Variants in TYW1 observed in about 807,000 individuals in gnomAD.
TYW1 encodes the protein S-adenosyl-L-methionine-dependent tRNA 4-demethylwyosine synthase TYW1.
TYW1 carries 46 observed loss-of-function variants against 96.2 expected under a neutral mutation model. The observed-to-expected ratio is 0.48, with a 90% CI of 0.38 to 0.61. The LOEUF (loss-of-function observed/expected upper bound fraction) is 0.61. TYW1 is among the 20% of genes least tolerant of loss of function. The pLI is 0.00. For missense variants in TYW1, 684 were observed against 909.6 expected, an observed-to-expected ratio of 0.75 and a Z score of 3.19; for synonymous variants, 274 against 323.0, an observed-to-expected ratio of 0.85 and a Z score of 1.63.
At chr7:67,158,082 ATTTTTTTTTTTTT>A (rs560215948) in intron 13 of TYW1, among the ~76,000 whole-genome samples, 1 of 102,166 alleles carries the variant, frequency 9.8e-6, no homozygotes, top group Non-Finnish European at 1.9e-5. Context: ...TTTGCTGAGG[ATTTTTTTTTTTTT>A]TTTTTTTTTT....
intron 15 of TYW1, among the ~76,000 whole-genome samples, chr7:67,228,373 C>T (rs1801632808): frequency 1.3e-5 from 2 of 152,140 alleles, no homozygotes; most frequent in African/African-American, 4.8e-5. Context: ...GAGATTTATT[C>T]ACTATCTCAA....
chr7:67,011,926 C>G (rs371650254), intron 4 of TYW1, among the ~76,000 whole-genome samples: 1 of 151,380 alleles, frequency 6.6e-6, no homozygotes, highest in Non-Finnish European at 1.5e-5. Flanking sequence ...CAAACTTTCA[C>G]GTGAAGGGCC....
At chr7:67,055,037 A>G (rs954389697) in intron 8 of TYW1, among the ~76,000 whole-genome samples, 3 of 152,172 alleles carry the variant, frequency 2.0e-5, no homozygotes, top group African/African-American at 7.2e-5. Flanking sequence ...TCTTCTTTCA[A>G]AGATTACTGA....
At chr7:67,001,565 G>A (rs927531342) in intron 3 of TYW1, among the ~76,000 whole-genome samples, 6 of 151,520 alleles carry the variant, frequency 4.0e-5, no homozygotes, top group African/African-American at 1.5e-4. Flanking sequence ...GGGACTATAG[G>A]CGCCCACCAC....
chr7:67,055,502 G>A (rs111522286), intron 8 of TYW1, among the ~76,000 whole-genome samples: 2,610 of 151,722 alleles, frequency 0.017, 71 homozygotes, highest in African/African-American at 0.059. Flanking sequence ...GGGAGTCTGA[G>A]GCATGAGAAT....
intron 15 of TYW1, among the ~76,000 whole-genome samples, chr7:67,236,048 T>A (rs1355786700): frequency 6.6e-6 from 1 of 151,982 alleles, no homozygotes; most frequent in Non-Finnish European, 1.5e-5. Flanking sequence ...CATTATAGTG[T>A]CTGCGGAAGT....
chr7:67,168,998 AC>A (rs68013816), intron 13 of TYW1, among the ~76,000 whole-genome samples: 42,571 of 151,790 alleles, frequency 0.28, 6,435 homozygotes, highest in African/African-American at 0.4. Flanking sequence ...AGGTGTGAGC[AC>A]TGTGGCCGGC....
chr7:67,133,995 C>G (rs1563031560), intron 13 of TYW1, among the ~76,000 whole-genome samples: 1 of 151,960 alleles, frequency 6.6e-6, no homozygotes, highest in Admixed American at 6.6e-5. Context: ...GCCCATCCCT[C>G]TTCTCTGCTT....
chr7:67,189,646 A>T (rs1195481191), intron 14 of TYW1, among the ~76,000 whole-genome samples: 1 of 152,164 alleles, frequency 6.6e-6, no homozygotes, highest in Non-Finnish European at 1.5e-5. Flanking sequence ...TAAAATTTGC[A>T]TAAGAATATC....
chr7:67,130,239 G>GGT (rs1376295198), intron 13 of TYW1, among the ~76,000 whole-genome samples: 1 of 151,836 alleles, frequency 6.6e-6, no homozygotes, highest in African/African-American at 2.4e-5. Flanking sequence ...AAATCAGTTG[G>GGT]GTGTGGTGGT....
At chr7:67,135,369 A>G (rs1798218912) in intron 13 of TYW1, among the ~76,000 whole-genome samples, 1 of 132,824 alleles carries the variant, frequency 7.5e-6, no homozygotes, top group Non-Finnish European at 1.5e-5. Flanking sequence ...CAGTGGCATG[A>G]TCTTAGCATG....
chr7:67,000,638 C>T (rs1405756142), intron 3 of TYW1, among the ~76,000 whole-genome samples: 3 of 152,050 alleles, frequency 2.0e-5, no homozygotes, highest in Non-Finnish European at 4.4e-5. Flanking sequence ...CAAGATCTTG[C>T]AATCTTGTCC....
intron 13 of TYW1, among the ~76,000 whole-genome samples, chr7:67,176,065 C>T (rs1799663017): frequency 6.6e-6 from 1 of 152,112 alleles, no homozygotes; most frequent in South Asian, 2.1e-4. Flanking sequence ...TATAGATACA[C>T]AGTCAGCTTA....
intron 13 of TYW1, among the ~76,000 whole-genome samples, chr7:67,155,130 A>G (rs969184056): frequency 2.0e-5 from 3 of 152,216 alleles, no homozygotes; most frequent in Admixed American, 1.3e-4. Flanking sequence ...CATTTCATAA[A>G]TTTCCTTTTC....
chr7:67,036,161 A>G (rs555224961), intron 7 of TYW1, among the ~76,000 whole-genome samples: 2,591 of 146,582 alleles, frequency 0.018, 132 homozygotes, highest in Non-Finnish European at 0.021. Context: ...AAGTCTGAGC[A>G]CCAGACTGGG....
Position 67,117,527 on chromosome 7 carries a change from G to C in TYW1, c.1607G>C (p.Ser536Thr). 6.2e-7 allele frequency: 1 copy of C among 1,613,984 alleles called. No homozygotes were observed. Among genetic ancestry groups the C allele is most frequent in the Non-Finnish European group, 8.5e-7 (1 of 1,179,954 alleles). The change falls in exon 13 of 16, where the codon AGT becomes ACT. Residue 536 changes from serine (S) to threonine (T), a missense_variant. Physicochemically the swap from Ser to Thr is moderately conservative, Grantham distance 58 (BLOSUM62 1). Coordinates refer to ENST00000359626, the MANE Select transcript of TYW1 (RefSeq NM_018264.4). ...CAGCTGTATGTCAGTGTGGATGCCA[G>C]TACCAAAGACAGCCTGAAGAAAATC... The part of the protein sequence containing the change: ...VTQLYVSVDA[S>T]TKDSLKKIDR...
At chr7:67,164,592 C>T (rs1214287136) in intron 13 of TYW1, among the ~76,000 whole-genome samples, 1 of 140,640 alleles carries the variant, frequency 7.1e-6, no homozygotes, top group Non-Finnish European at 1.5e-5. Flanking sequence ...GCCTGGGCAA[C>T]AGAGCAAAAC....
rs1315529668 is a variant in TYW1, at chr7:67,183,198, C to T, written c.1771C>T (p.Leu591Phe). Residue 591 changes from leucine (L) to phenylalanine (F), a missense_variant, in exon 14 of 16, where the codon CTC becomes TTC. Coordinates refer to ENST00000359626, the MANE Select transcript of TYW1 (RefSeq NM_018264.4). ...GGACGAGCTCCAGGCCTACGCGCAG[C>T]TCGTGTCCCTGGGGAATCCTGACTT... is the stretch of plus-strand genomic sequence containing the variant. ...NVDELQAYAQ[L>F]VSLGNPDFIE... 6.2e-6 allele frequency: 10 copies of T among 1,610,218 alleles called. No individual in the cohort carries two copies. Among genetic ancestry groups the T allele is most frequent in the African/African-American group, 1.3e-5 (1 of 74,922 alleles).
At chr7:67,001,186 T>G (rs553620226) in intron 3 of TYW1, among the ~76,000 whole-genome samples, 20 of 152,288 alleles carry the variant, frequency 1.3e-4, no homozygotes, top group African/African-American at 4.8e-4. Flanking sequence ...CAGAAACCTT[T>G]TAACTATTTC....
Sources: allele counts gnomAD v4.1 joint callset (sites outside exome capture counted in the v4.1 genomes callset), GRCh38; gene constraint gnomAD v4.1.1; transcripts MANE v1.5; gene names NCBI Gene and HGNC (gene_info 2026-07-23, HGNC 2026-07-21).